RASGRP3: variants seen among roughly 807,000 people sequenced by gnomAD.
RASGRP3 encodes the protein ras guanyl-releasing protein 3.
A neutral mutation model predicts 82.7 loss-of-function variants in RASGRP3; 54 were observed. The observed-to-expected ratio is 0.65, with a 90% confidence interval of 0.52 to 0.82. RASGRP3 has a LOEUF of 0.82. RASGRP3 is among the 40% of genes least tolerant of loss of function. The pLI is 0.00. For missense variants in RASGRP3, 861 were observed against 828.9 expected, an observed-to-expected ratio of 1.04 and a Z score of -0.48; for synonymous variants, 309 against 300.5, an observed-to-expected ratio of 1.03 and a Z score of -0.29.
chr2:33,466,476 C>T (rs984116269), intron 2 of RASGRP3, among the ~76,000 whole-genome samples: 1 of 152,000 alleles, frequency 6.6e-6, no homozygotes, highest in Non-Finnish European at 1.5e-5. Flanking sequence ...GTCAGGAATT[C>T]GAGACCAGCC....
At position 33,456,262 on chromosome 2, in the gene RASGRP3, T is replaced by C. The variant is rs184810961; in HGVS notation, c.-261+8319T>C. On this transcript the variant is annotated intron_variant, in intron 2 of 18. Coordinates refer to the RASGRP3 transcript ENST00000402538. ...ATGGATCTGTCTTTTCGTTTGTTAT[T>C]TAATGATAGTCTTTACATTTTAATG... 1.3e-3 allele frequency among the ~76,000 whole-genome samples: 200 copies of C among 152,374 alleles called. 1 individual carries two copies. In the Middle Eastern group the frequency reaches 0.014, roughly 10 times the overall value.
Position 33,556,943 on chromosome 2 carries a change from A to T in RASGRP3, c.1580-1268A>T, listed in dbSNP as rs1471142001. On this transcript the variant is annotated intron_variant, in intron 15 of 17. Transcript: ENST00000403687. ...CACACACACACGCAATTTTATAAAG[A>T]TGAAAATCTATTACACCTTTGGATT... Among the ~76,000 whole-genome samples the T allele has an allele frequency of 2.7e-5, 4 of 148,848 alleles. No homozygotes were observed. The South Asian group carries it at 8.6e-4, about 32-fold the overall frequency.
At chr2:33,512,455 C>G (rs1010521503) in intron 2 of RASGRP3, among the ~76,000 whole-genome samples, 1 of 152,162 alleles carries the variant, frequency 6.6e-6, no homozygotes, top group Admixed American at 6.5e-5. Flanking sequence ...ATTGTTCAAT[C>G]TTGACTTTTA....
intron 2 of RASGRP3, among the ~76,000 whole-genome samples, chr2:33,466,274 T>C (rs745681494): frequency 6.6e-6 from 1 of 152,230 alleles, no homozygotes; most frequent in Non-Finnish European, 1.5e-5. Flanking sequence ...CTATTCTAGG[T>C]GCCATTAGGA....
intron 11 of RASGRP3, among the ~76,000 whole-genome samples, chr2:33,537,150 G>C (rs1673695216): frequency 1.3e-5 from 2 of 151,692 alleles, no homozygotes; most frequent in Admixed American, 1.3e-4. Flanking sequence ...GGAGTGGGAA[G>C]ATAATTGTAT....
intron 1 of RASGRP3, among the ~76,000 whole-genome samples, chr2:33,501,188 G>A (rs1415461298): frequency 6.6e-6 from 1 of 152,136 alleles, no homozygotes; most frequent in Non-Finnish European, 1.5e-5. Flanking sequence ...GGCCTTCTAT[G>A]TCTGGCCTCT....
At chr2:33,456,091 T>C (rs56807448) in intron 2 of RASGRP3, among the ~76,000 whole-genome samples, 1,871 of 152,312 alleles carry the variant, frequency 0.012, 36 homozygotes, top group African/African-American at 0.043. Flanking sequence ...GTTACTTTCC[T>C]TTGTTATTTT....
At chr2:33,475,040 A>G (rs764177946), upstream of RASGRP3, among the ~76,000 whole-genome samples, 17 of 152,256 alleles carry the variant, frequency 1.1e-4, no homozygotes, top group Non-Finnish European at 2.2e-4. Context: ...CAAGGGGGTA[A>G]GTAAATCAAA....
intron 15 of RASGRP3, among the ~76,000 whole-genome samples, chr2:33,557,493 A>G (rs913740572): frequency 6.6e-6 from 1 of 152,084 alleles, no homozygotes; most frequent in Non-Finnish European, 1.5e-5. Context: ...GTGGATCACG[A>G]GGTCAGGAGA....
intron 1 of RASGRP3, among the ~76,000 whole-genome samples, chr2:33,495,001 G>A (rs866095478): frequency 6.6e-6 from 1 of 152,286 alleles, no homozygotes; most frequent in East Asian, 1.9e-4. Context: ...TTGAAATTAC[G>A]TTTAGAGTAA....
chr2:33,547,984 G>A (rs1464903584), intron 13 of RASGRP3, among the ~76,000 whole-genome samples: 1 of 152,286 alleles, frequency 6.6e-6, no homozygotes, highest in African/African-American at 2.4e-5. Context: ...TGTAGGGTTA[G>A]AAAACCAAGT....
rs192510003 is a variant in RASGRP3 at position 33,518,843 on chromosome 2, G to A, written c.174-1109G>A. On this transcript the variant is annotated intron_variant, in intron 4 of 17. Transcript: ENST00000403687. Reference sequence around the variant, plus strand: ...TCCACCTCTATCTCTTGTTCCCCTGGAAGGTGTCTGCAAGAGCAGTAACAG... The same window carrying A: ...TCCACCTCTATCTCTTGTTCCCCTGAAAGGTGTCTGCAAGAGCAGTAACAG... Among the ~76,000 whole-genome samples, 925 of 151,752 alleles carry A rather than the reference G, an allele frequency of 6.1e-3. 8 individuals carry two copies. The highest frequency in any genetic ancestry group is 9.1e-3 in the Non-Finnish European group (615 of 67,944).
At chr2:33,471,934 C>T (rs1667082250), upstream of RASGRP3, among the ~76,000 whole-genome samples, 1 of 151,574 alleles carries the variant, frequency 6.6e-6, no homozygotes. Context: ...TCCCCAAGAG[C>T]GTGGGGTCTT....
chr2:33,545,640 C>A (rs1247902797), intron 13 of RASGRP3, among the ~76,000 whole-genome samples: 1 of 152,080 alleles, frequency 6.6e-6, no homozygotes, highest in African/African-American at 2.4e-5. Context: ...TGTGCCCATT[C>A]CTTTGAGTAG....
At chr2:33,475,082 TTC>T (rs891462717), upstream of RASGRP3, among the ~76,000 whole-genome samples, 6 of 152,248 alleles carry the variant, frequency 3.9e-5, no homozygotes, top group African/African-American at 1.4e-4. Context: ...AGGCCTCTTT[TTC>T]TGTTTCTAAT....
At chr2:33,473,592 C>T (rs148401819), upstream of RASGRP3, among the ~76,000 whole-genome samples, 352 of 152,158 alleles carry the variant, frequency 2.3e-3, 2 homozygotes, top group South Asian at 1.9e-3. Context: ...CTTCTTGAGT[C>T]GAAGACAATG....
At chr2:33,506,451 C>T (rs1350956441) in intron 1 of RASGRP3, among the ~76,000 whole-genome samples, 3 of 152,264 alleles carry the variant, frequency 2.0e-5, no homozygotes, top group Middle Eastern at 3.4e-3. Flanking sequence ...CCTTAGCTTT[C>T]GGGGTGTTAA....
intron 1 of RASGRP3, among the ~76,000 whole-genome samples, chr2:33,499,880 C>T (rs1669704002): frequency 6.6e-6 from 1 of 152,096 alleles, no homozygotes; most frequent in African/African-American, 2.4e-5. Flanking sequence ...ATAAAGATAT[C>T]AGGCACACTT....
chr2:33,543,149 A>T (rs181913176), intron 12 of RASGRP3, among the ~76,000 whole-genome samples: 1 of 152,220 alleles, frequency 6.6e-6, no homozygotes, highest in East Asian at 1.9e-4. Context: ...AGTGGCTGGG[A>T]CTATAGGCAT....
Sources: allele counts gnomAD v4.1 joint callset (sites outside exome capture counted in the v4.1 genomes callset), GRCh38; gene constraint gnomAD v4.1.1; transcripts MANE v1.5; gene names NCBI Gene and HGNC (gene_info 2026-07-23, HGNC 2026-07-21).